Variants in NFU1 observed in about 807,000 individuals in gnomAD.
The protein encoded by NFU1 is NFU1 iron-sulfur cluster scaffold, also known as NFU1 iron-sulfur cluster scaffold homolog, mitochondrial.
Under a neutral mutation model 32.2 loss-of-function variants are expected in NFU1, and 30 were observed. The ratio of observed to expected loss-of-function variants is 0.93; its 90% confidence interval spans 0.70 to 1.26. The LOEUF (loss-of-function observed/expected upper bound fraction) is 1.26, where lower values mean the gene tolerates loss of function less well. Among genes scored for constraint, NFU1 ranks in the 50% most tolerant of loss-of-function variants. The probability of loss-of-function intolerance (pLI) is 0.00; values close to 1 mark genes in which losing one functional copy is unlikely to be tolerated. For synonymous variants in NFU1, 112 were observed against 104.6 expected, an observed-to-expected ratio of 1.07 and a Z score of -0.43; for missense variants, 306 against 306.6, an observed-to-expected ratio of 1.00 and a Z score of 0.02.
intron 1 of NFU1, among the ~76,000 whole-genome samples, chr2:69,435,354 A>G (rs1224947367): frequency 6.6e-6 from 1 of 152,218 alleles, no homozygotes; most frequent in East Asian, 1.9e-4. Flanking sequence ...ATTGTTTGTG[A>G]TCATACACAA....
At chr2:69,400,766 T>C (rs912138934) in intron 6 of NFU1, among the ~76,000 whole-genome samples, 2 of 152,138 alleles carry the variant, frequency 1.3e-5, no homozygotes, top group African/African-American at 2.4e-5. Flanking sequence ...TTTCCTCCGC[T>C]TACCGCATTT....
chr2:69,437,315 T>A, intron 1 of NFU1, 46 bp downstream of exon 1: 2 of 1,582,558 alleles, frequency 1.3e-6, no homozygotes, highest in Non-Finnish European at 1.7e-6. Flanking sequence ...CTCCGCTGGC[T>A]AAGCCCAGCG....
intron 6 of NFU1, among the ~76,000 whole-genome samples, chr2:69,400,976 A>G (rs1672505612): frequency 6.6e-6 from 1 of 152,180 alleles, no homozygotes; most frequent in Non-Finnish European, 1.5e-5. Flanking sequence ...AAATAAAACA[A>G]TATTTTACAG....
At chr2:69,437,084 C>A (rs1044598064) in intron 1 of NFU1, among the ~76,000 whole-genome samples, 1 of 152,232 alleles carries the variant, frequency 6.6e-6, no homozygotes, top group Non-Finnish European at 1.5e-5. Flanking sequence ...GGCTCTACAG[C>A]CAGTCTCTAC....
intron 5 of NFU1, among the ~76,000 whole-genome samples, chr2:69,407,242 G>A (rs767452857): frequency 1.3e-5 from 2 of 152,112 alleles, no homozygotes; most frequent in Non-Finnish European, 2.9e-5. Flanking sequence ...CATGAGCCAT[G>A]CCTGGCCTCT....
chr2:69,423,275 TG>T (rs1673325722), intron 3 of NFU1, among the ~76,000 whole-genome samples: 1 of 134,884 alleles, frequency 7.4e-6, no homozygotes, highest in Non-Finnish European at 1.6e-5. Flanking sequence ...TGTGTGTGTG[TG>T]TGTGTGTGTG....
chr2:69,404,902 G>T (rs991179383), intron 6 of NFU1, among the ~76,000 whole-genome samples: 24 of 151,758 alleles, frequency 1.6e-4, no homozygotes, highest in African/African-American at 5.8e-4. Context: ...TTACAAGCGT[G>T]AGCCACCACA....
At chr2:69,421,646 C>A (rs1193118172) in intron 3 of NFU1, among the ~76,000 whole-genome samples, 1 of 142,044 alleles carries the variant, frequency 7.0e-6, no homozygotes, top group Non-Finnish European at 1.5e-5. Context: ...CGGCTCACTG[C>A]AAGCTCTGCC....
At chr2:69,410,796 C>G (rs1672854521) in intron 5 of NFU1, 1 of 152,056 alleles carries the variant, frequency 6.6e-6, no homozygotes, top group Non-Finnish European at 1.5e-5. Context: ...GAAAAAATAT[C>G]AATGTTGAAG....
At chr2:69,427,380 C>T (rs1393680729) in intron 2 of NFU1, among the ~76,000 whole-genome samples, 1 of 138,486 alleles carries the variant, frequency 7.2e-6, no homozygotes, top group African/African-American at 2.7e-5. Context: ...AGCAAAACTC[C>T]ATCTCAAAAA....
In NFU1 at chr2:69,415,176, A is replaced by G. The variant is rs753869603; in HGVS notation, c.484+9T>C. The G allele has an allele frequency of 5.4e-6, 8 of 1,483,080 alleles. No homozygotes were observed. The East Asian group carries it at 6.8e-5, about 13-fold the overall frequency. The allele number at this position is 1,483,080 out of a possible 1,614,324, so 91.9% of individuals were successfully genotyped here. A position where few individuals can be genotyped will look rare whatever the true frequency, so the allele number is the denominator to read the frequency against. ...GGACAAATTTTAATTACTCAATACA[A>G]CATGTTACCTGCTTCTCCTGAAGGT... On this transcript the variant is annotated intron_variant, in intron 5 of 7. Transcript: ENST00000410022.
upstream of NFU1, chr2:69,437,443 G>GGTCTCC: frequency 6.2e-7 from 1 of 1,608,924 alleles, no homozygotes; most frequent in Non-Finnish European, 8.5e-7. Flanking sequence ...AGTGCCTAAG[G>GGTCTCC]GTCTCCCTGA....
At chr2:69,418,368 C>G (rs1223049717) in intron 4 of NFU1, among the ~76,000 whole-genome samples, 1 of 152,208 alleles carries the variant, frequency 6.6e-6, no homozygotes, top group African/African-American at 2.4e-5. Context: ...CCACTGCACT[C>G]TGACCTGGGT....
chr2:69,399,896 G>C (rs1672461751), intron 7 of NFU1, among the ~76,000 whole-genome samples: 1 of 150,374 alleles, frequency 6.7e-6, no homozygotes, highest in South Asian at 2.1e-4. Context: ...TTTTTTGACG[G>C]AGTTTCGCTT....
At chr2:69,396,801 G>A (rs148217200) in intron 7 of NFU1, among the ~76,000 whole-genome samples, 1,790 of 152,180 alleles carry the variant, frequency 0.012, 33 homozygotes, top group African/African-American at 0.041. Context: ...GGCCAGGCGC[G>A]GTGGCTCACG....
At chr2:69,408,435 A>C (rs1672769321) in intron 5 of NFU1, among the ~76,000 whole-genome samples, 1 of 152,102 alleles carries the variant, frequency 6.6e-6, no homozygotes, top group Admixed American at 6.6e-5. Context: ...ATATATATCA[A>C]AAGGCTGGGC....
At chr2:69,409,240 A>C (rs1672803181) in intron 5 of NFU1, among the ~76,000 whole-genome samples, 1 of 152,228 alleles carries the variant, frequency 6.6e-6, no homozygotes. Context: ...TGTTTCATGT[A>C]GTACTAAAAA....
intron 2 of NFU1, among the ~76,000 whole-genome samples, chr2:69,428,903 T>A (rs1673549600): frequency 6.6e-6 from 1 of 152,230 alleles, no homozygotes. Context: ...TACTTTGCCA[T>A]GCAGTTCCAG....
At chr2:69,404,141 A>G (rs912770915) in intron 6 of NFU1, among the ~76,000 whole-genome samples, 2 of 149,990 alleles carry the variant, frequency 1.3e-5, no homozygotes, top group African/African-American at 4.9e-5. Flanking sequence ...CCCGGCCTCC[A>G]ATTAATTATT....
Sources: gnomAD v4.1 joint callset for allele counts (sites outside exome capture counted in the v4.1 genomes callset) on GRCh38, gnomAD v4.1.1 for gene constraint, MANE v1.5 for transcripts, NCBI Gene and HGNC (gene_info 2026-07-23, HGNC 2026-07-21) for gene names.